The following PCDHA2 variants were observed in gnomAD, a reference collection of about 807,000 sequenced individuals.
PCDHA2 encodes the protein protocadherin alpha 2, also known as protocadherin alpha-2.
In PCDHA2, 58 loss-of-function variants were observed where a neutral mutation model predicts 66.0. That is an observed-to-expected ratio of 0.88 (90% CI 0.71 to 1.09). The LOEUF (loss-of-function observed/expected upper bound fraction) is 1.09. Among genes scored for constraint, PCDHA2 ranks in the 50% least tolerant of loss-of-function variants. PCDHA2 has a pLI of 0.00. For missense variants in PCDHA2, 1,267 were observed against 1,242.3 expected, an observed-to-expected ratio of 1.02 and a Z score of -0.30; for synonymous variants, 634 against 554.0, an observed-to-expected ratio of 1.14 and a Z score of -2.03.
intron 1 of PCDHA2, among the ~76,000 whole-genome samples, chr5:140,942,305 G>A (rs2093264176): frequency 6.6e-6 from 1 of 152,106 alleles, no homozygotes; most frequent in Non-Finnish European, 1.5e-5. Context: ...AGCTACTTGG[G>A]AGGTCGAGGC....
At chr5:140,862,688 A>G in intron 1 of PCDHA2, 1 of 553,472 alleles carries the variant, frequency 1.8e-6, no homozygotes, top group Non-Finnish European at 3.6e-6. Flanking sequence ...CTGGTGTCCT[A>G]CTCGTTGATG....
intron 3 of PCDHA2, among the ~76,000 whole-genome samples, chr5:140,996,747 T>C (rs940274322): frequency 1.3e-5 from 2 of 152,190 alleles, no homozygotes; most frequent in Non-Finnish European, 2.9e-5. Flanking sequence ...TAACAAATTA[T>C]ATCTGTGCAG....
chr5:140,878,450 A>T (rs2057594535), intron 1 of PCDHA2, among the ~76,000 whole-genome samples: 1 of 152,224 alleles, frequency 6.6e-6, no homozygotes, highest in Non-Finnish European at 1.5e-5. Context: ...TCTTATTTAC[A>T]TGAAATATAA....
intron 1 of PCDHA2, chr5:140,807,983 G>T (rs782039700): frequency 6.2e-7 from 1 of 1,613,482 alleles, no homozygotes; most frequent in Non-Finnish European, 8.5e-7. Flanking sequence ...TAAACTTAAC[G>T]CCTCAGATTT....
At chr5:140,870,483 C>G (rs782740203) in intron 1 of PCDHA2, 10 of 1,614,240 alleles carry the variant, frequency 6.2e-6, no homozygotes, top group Middle Eastern at 1.6e-4. Context: ...CCGAGTACAC[C>G]GTGTTCGTGA....
Position 140,889,101 on chromosome 5 carries a change from T to C in PCDHA2, c.2389-89848T>C, listed in dbSNP as rs115792966. On this transcript the variant is annotated intron_variant, in intron 1 of 3. Transcript: ENST00000526136. ...TTAAATTTTCAAAACAATTTTTTCA[T>C]CTTTATTCCAGGTGATACTGATATG... Among the ~76,000 whole-genome samples the C allele has an allele frequency of 7.5e-3, 1,145 of 152,066 alleles. 15 individuals carry two copies. Among genetic ancestry groups the C allele is most frequent in the African/African-American group, 0.026 (1,085 of 41,518 alleles).
intron 1 of PCDHA2, chr5:140,858,217 G>A: frequency 1.3e-6 from 2 of 1,595,954 alleles, no homozygotes; most frequent in Non-Finnish European, 1.7e-6. Flanking sequence ...GGTGCTCGGC[G>A]GCGCCCACCG....
intron 1 of PCDHA2, among the ~76,000 whole-genome samples, chr5:140,888,151 CT>C (rs1247816625): frequency 4.6e-5 from 7 of 152,106 alleles, no homozygotes; most frequent in Non-Finnish European, 8.8e-5. Context: ...TTTTGCATGA[CT>C]GGTAATCTCT....
rs2042755048 is a variant in PCDHA2 at position 140,853,453 on chromosome 5, C to A, written c.2388+56101C>A. ...CTTTCCTATTTTGCCTAATAGGTCTCCTTATATGCATCTGTAGTTAACATT... is the reference window on the plus strand; with the variant it reads ...CTTTCCTATTTTGCCTAATAGGTCTACTTATATGCATCTGTAGTTAACATT... On this transcript the variant is annotated intron_variant, in intron 1 of 3. Coordinates refer to ENST00000526136, the MANE Select transcript of PCDHA2 (RefSeq NM_018905.3). 4 of 976,644 alleles carry A rather than the reference C, an allele frequency of 4.1e-6. 1 individual carries two copies. The Admixed American group carries it at 2.5e-4, about 62-fold the overall frequency. 60.5% of individuals were successfully genotyped at this position (976,644 alleles called of 1,614,324 possible). A position where few individuals can be genotyped will look rare whatever the true frequency, so the allele number is the denominator to read the frequency against.
At chr5:140,973,753 G>A (rs935956688) in intron 1 of PCDHA2, among the ~76,000 whole-genome samples, 1 of 152,244 alleles carries the variant, frequency 6.6e-6, no homozygotes, top group Non-Finnish European at 1.5e-5. Flanking sequence ...ACACTCTGCA[G>A]GGACACAGCC....
chr5:140,797,151 G>C lies in PCDHA2; in HGVS notation c.2187G>C (p.Glu729Asp). Reference protein sequence around the residue: ...TALRCSVPPTEGARAPGKPTL... With the variant: ...TALRCSVPPTDGARAPGKPTL... ...TGCGGTGCTCGGTGCCACCCACCGA[G>C]GGTGCGCGCGCGCCAGGAAAGCCCA... Residue 729 changes from glutamate to aspartate, a missense_variant, in exon 1 of 4, where the codon GAG becomes GAC. Physicochemically the swap from Glu to Asp is conservative, Grantham distance 45. Coordinates refer to ENST00000526136, the MANE Select transcript of PCDHA2 (RefSeq NM_018905.3). 6.2e-7 allele frequency: 1 copy of C among 1,613,964 alleles called. No individual in the cohort carries two copies. The highest frequency in any genetic ancestry group is 8.5e-7 in the Non-Finnish European group (1 of 1,179,976).
intron 1 of PCDHA2, chr5:140,808,238 G>C (rs1764130949): frequency 6.2e-7 from 1 of 1,614,228 alleles, no homozygotes; most frequent in Admixed American, 1.7e-5. Flanking sequence ...CCCAGATTTG[G>C]AATTCAAGTC....
Position 140,963,600 on chromosome 5 carries a change from G to A in PCDHA2, c.2389-15349G>A, listed in dbSNP as rs111244023. Among the ~76,000 whole-genome samples, 12 of 152,298 alleles carry A rather than the reference G, an allele frequency of 7.9e-5. No homozygotes were observed. In the South Asian group the frequency reaches 1.7e-3, roughly 21 times the overall value. ...CAAAATGTAGGATATAGTTCTAGAC[G>A]TAATTGGGAAAGCTTAACTTTGTTG... On this transcript the variant is annotated intron_variant, in intron 1 of 3. Transcript: ENST00000526136.
intron 3 of PCDHA2, among the ~76,000 whole-genome samples, chr5:140,990,589 C>G (rs1208213426): frequency 6.6e-6 from 1 of 152,196 alleles, no homozygotes; most frequent in African/African-American, 2.4e-5. Flanking sequence ...TTCCTATAAT[C>G]ACCTGGAGTC....
intron 1 of PCDHA2, chr5:140,926,693 C>G (rs576013331): frequency 3.9e-4 from 291 of 742,942 alleles, no homozygotes; most frequent in Non-Finnish European, 5.0e-4. Flanking sequence ...CTAGCAAGCC[C>G]GGCTCCCAGC....
intron 1 of PCDHA2, chr5:140,968,910 T>G (rs782307931): frequency 1.9e-6 from 3 of 1,613,974 alleles, no homozygotes; most frequent in Non-Finnish European, 2.5e-6. Flanking sequence ...TTAAGCACAG[T>G]GTCTTTTATA....
chr5:140,824,958 T>C (rs2150072041), intron 1 of PCDHA2: 1 of 152,280 alleles, frequency 6.6e-6, no homozygotes, highest in African/African-American at 2.4e-5. Context: ...AATTATATTT[T>C]TCATTTTATT....
At chr5:140,835,008 C>A in intron 1 of PCDHA2, 1 of 1,388,200 alleles carries the variant, frequency 7.2e-7, no homozygotes. Context: ...TCCGGAGCTT[C>A]ATTTATTGCT....
chr5:140,966,932 G>T, intron 1 of PCDHA2: 2 of 1,603,726 alleles, frequency 1.2e-6, no homozygotes, highest in Non-Finnish European at 1.7e-6. Context: ...GGCACCCGGC[G>T]CGCTCGTGGG....
Sources: gnomAD v4.1 joint callset for allele counts (sites outside exome capture counted in the v4.1 genomes callset) on GRCh38, gnomAD v4.1.1 for gene constraint, MANE v1.5 for transcripts, NCBI Gene and HGNC (gene_info 2026-07-23, HGNC 2026-07-21) for gene names.